MAP7D2: variants seen among roughly 807,000 people sequenced by gnomAD.
The protein encoded by MAP7D2 is MAP7 domain-containing protein 2.
In MAP7D2, 33 loss-of-function variants were observed where a neutral mutation model predicts 63.5. The observed-to-expected ratio is 0.52, with a 90% CI of 0.39 to 0.70. The LOEUF is 0.70. Among genes scored for constraint, MAP7D2 ranks in the 30% least tolerant of loss-of-function variants. The probability of loss-of-function intolerance (pLI) is 0.00; values close to 1 mark genes in which losing one functional copy is unlikely to be tolerated. For missense variants in MAP7D2, 626 were observed against 604.0 expected, an observed-to-expected ratio of 1.04 and a Z score of -0.38; for synonymous variants, 224 against 223.7, an observed-to-expected ratio of 1.00 and a Z score of -0.01.
At chrX:20,079,441 G>C (rs896027331) in intron 1 of MAP7D2, among the ~76,000 whole-genome samples, 6 of 112,023 alleles carry the variant, frequency 5.4e-5, no homozygotes, top group African/African-American at 1.9e-4. Context: ...ACTGTCTCCA[G>C]TCTACATCAG....
At chrX:20,092,669 ATGTG>A (rs2066101369) in intron 1 of MAP7D2, among the ~76,000 whole-genome samples, 2 of 111,976 alleles carry the variant, frequency 1.8e-5, no homozygotes, top group Admixed American at 1.9e-4. Flanking sequence ...CGTGAATAAA[ATGTG>A]TATGCCTTTT....
At chrX:20,015,104 G>C in intron 12 of MAP7D2, 119 bp downstream of exon 12, 1 of 498,242 alleles carries the variant, frequency 2.0e-6, no homozygotes, top group Non-Finnish European at 3.5e-6. Context: ...TTGAACAGTG[G>C]TATCAATGAA....
chrX:20,044,407 C>T lies in MAP7D2; in HGVS notation c.836G>A (p.Gly279Glu), dbSNP rs764141890. The change falls in exon 7 of 17, where the codon GGA (glycine) becomes GAA (glutamate). Residue 279 changes from glycine to glutamate, a missense_variant. By Grantham distance (98) the Gly-to-Glu change is moderately conservative (BLOSUM62 -2). Coordinates refer to ENST00000379643, the MANE Select transcript of MAP7D2 (RefSeq NM_001168465.2). ...KATSTSTSGA[G>E]DVGKEALSGG... ...TGAAAGGGCTTCTTTCCCAACATCT[C>T]CTGCACCAGATGTAGACGTAGATGT... 2 of 1,211,267 alleles carry T rather than the reference C, an allele frequency of 1.7e-6. No individual in the cohort carries two copies. The highest frequency in any genetic ancestry group is 3.5e-5 in the South Asian group (2 of 56,963).
chrX:20,102,982 A>G (rs1445892627), intron 1 of MAP7D2, among the ~76,000 whole-genome samples: 1 of 111,168 alleles, frequency 9.0e-6, no homozygotes, highest in Non-Finnish European at 1.9e-5. Flanking sequence ...CTGAGGCCGC[A>G]GTTTGTAAGG....
intron 1 of MAP7D2, among the ~76,000 whole-genome samples, chrX:20,099,360 C>T (rs912048554): frequency 3.6e-5 from 4 of 111,142 alleles, no homozygotes; most frequent in African/African-American, 9.8e-5. Flanking sequence ...CCTTACAGCC[C>T]TCATGAAACC....
intron 3 of MAP7D2, among the ~76,000 whole-genome samples, chrX:20,063,091 G>T (rs770049208): frequency 3.5e-4 from 39 of 110,822 alleles, no homozygotes; most frequent in Non-Finnish European, 6.4e-4. Context: ...AGTCAGAAAA[G>T]GTTATGACTA....
rs779366726 is a variant in MAP7D2 at position 20,088,468 on chromosome X, G to GTTTTTTTTTTTTT, written c.131-23676_131-23664dup. Among the ~76,000 whole-genome samples the GTTTTTTTTTTTTT allele has an allele frequency of 3.2e-4, 13 of 41,059 alleles. 5 individuals are homozygous for GTTTTTTTTTTTTT. Among genetic ancestry groups the GTTTTTTTTTTTTT allele is most frequent in the Non-Finnish European group, 6.5e-4 (12 of 18,428 alleles). 35.7% of individuals were successfully genotyped at this position (41,059 alleles called of 115,157 possible). On this transcript the variant is annotated intron_variant, in intron 1 of 16. Coordinates refer to ENST00000379643, the MANE Select transcript of MAP7D2 (RefSeq NM_001168465.2). ...CCCCACCACACCCAGCTAATTTTCA[G>GTTTTTTTTTTTTT]TTTTTTTTTTTTTTTTTTTTTTTTT... is the stretch of plus-strand genomic sequence containing the variant.
At chrX:20,062,328 G>T (rs917474806) in intron 3 of MAP7D2, among the ~76,000 whole-genome samples, 1 of 111,540 alleles carries the variant, frequency 9.0e-6, no homozygotes. Context: ...GCAGATGAAG[G>T]CACAGCAATC....
intron 11 of MAP7D2, 54 bp downstream of exon 11, chrX:20,016,040 A>T: frequency 1.0e-6 from 1 of 975,153 alleles, no homozygotes; most frequent in Non-Finnish European, 1.4e-6. Flanking sequence ...AATTGTACCT[A>T]CTATCAAGGT....
chrX:20,011,817 AAGG>A (rs765133613), intron 15 of MAP7D2, among the ~76,000 whole-genome samples: 151 of 112,652 alleles, frequency 1.3e-3, no homozygotes, highest in Non-Finnish European at 2.4e-3. Context: ...CTAGAGATGG[AAGG>A]AGGAGTTTCA....
intron 10 of MAP7D2, among the ~76,000 whole-genome samples, chrX:20,019,468 T>A (rs1012214913): frequency 1.8e-5 from 2 of 111,832 alleles, no homozygotes; most frequent in African/African-American, 6.5e-5. Flanking sequence ...TCATCCCTTG[T>A]CCCTGTCACT....
intron 1 of MAP7D2, among the ~76,000 whole-genome samples, chrX:20,074,135 CAAA>C (rs775366987): frequency 1.0e-4 from 6 of 59,400 alleles, no homozygotes; most frequent in Non-Finnish European, 1.3e-4. Flanking sequence ...AACTCCGTCT[CAAA>C]AAAAAAAAAA....
chrX:20,069,463 C>A (rs1165570034), intron 1 of MAP7D2, among the ~76,000 whole-genome samples: 1 of 111,217 alleles, frequency 9.0e-6, no homozygotes, highest in Non-Finnish European at 1.9e-5. Context: ...CCTGCCTCAG[C>A]CTCCTAAAGT....
Position 20,010,852 on chromosome X carries a change from T to G in MAP7D2, c.2273A>C (p.Glu758Ala). ...TTCTTGGCCAGGACTGTTAAATCCT[T>G]CGATAAGGTTTTTGTTACAGTCGTC... ...SLDDCNKNLI[E>A]GFNSPGQETP... Residue 758 changes from glutamate (E) to alanine (A), a missense_variant, in exon 16 of 17, where the codon GAA (glutamate) becomes GCA (alanine). By Grantham distance (107) the Glu-to-Ala change is moderately radical. Coordinates refer to ENST00000379643, the MANE Select transcript of MAP7D2 (RefSeq NM_001168465.2). 1 of 1,210,140 alleles carries G rather than the reference T, an allele frequency of 8.3e-7. No individual in the cohort carries two copies. The highest frequency in any genetic ancestry group is 1.1e-6 in the Non-Finnish European group (1 of 894,938).
intron 8 of MAP7D2, among the ~76,000 whole-genome samples, chrX:20,036,702 G>A (rs1297637525): frequency 1.8e-4 from 19 of 103,858 alleles, no homozygotes; most frequent in Non-Finnish European, 3.3e-4. Flanking sequence ...TCAGGAATTC[G>A]AGACCAGCCT....
chrX:20,109,088 T>C (rs2066654983), intron 1 of MAP7D2, among the ~76,000 whole-genome samples: 2 of 108,972 alleles, frequency 1.8e-5, no homozygotes, highest in South Asian at 7.9e-4. Flanking sequence ...GTAAAAGGCA[T>C]ACAAGATCTT....
chrX:20,074,721 G>A (rs888852454), intron 1 of MAP7D2, among the ~76,000 whole-genome samples: 1 of 111,475 alleles, frequency 9.0e-6, no homozygotes, highest in South Asian at 3.8e-4. Context: ...AACCATTAAA[G>A]GCACTCTGAG....
chrX:20,097,677 T>C (rs2066307475), intron 1 of MAP7D2, among the ~76,000 whole-genome samples: 1 of 111,594 alleles, frequency 9.0e-6, no homozygotes, highest in Admixed American at 9.5e-5. Context: ...AAGCACTAGG[T>C]GGGAGAAAAA....
chrX:20,071,653 T>C (rs2065505097), intron 1 of MAP7D2, among the ~76,000 whole-genome samples: 2 of 112,393 alleles, frequency 1.8e-5, no homozygotes, highest in Non-Finnish European at 3.8e-5. Context: ...GGCTACTCTC[T>C]GTATGACAGA....
Sources: gnomAD v4.1 joint callset for allele counts (sites outside exome capture counted in the v4.1 genomes callset) on GRCh38, gnomAD v4.1.1 for gene constraint, MANE v1.5 for transcripts, NCBI Gene and HGNC (gene_info 2026-07-23, HGNC 2026-07-21) for gene names.